The following CD300LD variants were observed in gnomAD, a reference collection of about 807,000 sequenced individuals.
The protein encoded by CD300LD is CD300 molecule like family member d, also known as CMRF35-like molecule 5.
CD300LD carries 18 observed loss-of-function variants against 20.3 expected under a neutral mutation model. The ratio of observed to expected loss-of-function variants is 0.89; its 90% confidence interval spans 0.61 to 1.32. CD300LD has a LOEUF of 1.32. CD300LD is among the 40% of genes most tolerant of loss of function. The pLI is 0.00. For synonymous variants in CD300LD, 104 were observed against 90.1 expected (o/e 1.15, Z -0.87); for missense variants, 195 against 226.6 (o/e 0.86, Z 0.90).
chr17:74,592,208 T>A lies in CD300LD; in HGVS notation c.-6A>T. 6.2e-7 allele frequency: 1 copy of A among 1,614,196 alleles called. No individual in the cohort carries two copies. Among genetic ancestry groups the A allele is most frequent in the Non-Finnish European group, 8.5e-7 (1 of 1,180,024 alleles). On this transcript the variant is annotated 5_prime_UTR_variant, in exon 1 of 4. Transcript: ENST00000375352. Reference sequence around the variant, plus strand: ...AGAGATGGGGACAGCCACATGGTCCTGTCTCCTCTCCTCTCCTTGGTGATC... The same window carrying A: ...AGAGATGGGGACAGCCACATGGTCCAGTCTCCTCTCCTCTCCTTGGTGATC...
At chr17:74,592,061 G>A (rs746228815) in intron 1 of CD300LD, 102 bp downstream of exon 1, 51 of 1,608,778 alleles carry the variant, frequency 3.2e-5, no homozygotes, top group African/African-American at 9.4e-5. Context: ...ATGAATTGGC[G>A]CTGTCATTTT....
chr17:74,585,231 A>G (rs976190472), intron 2 of CD300LD, among the ~76,000 whole-genome samples: 3 of 152,212 alleles, frequency 2.0e-5, no homozygotes, highest in Non-Finnish European at 4.4e-5. Flanking sequence ...TAGGACCAGG[A>G]TTAAAACGGG....
intron 2 of CD300LD, among the ~76,000 whole-genome samples, chr17:74,587,175 G>A (rs550675788): frequency 3.3e-5 from 5 of 152,104 alleles, no homozygotes; most frequent in East Asian, 1.9e-4. Context: ...GATATTATCC[G>A]GTCCTGAACT....
At chr17:74,586,106 A>G (rs1024412099) in intron 2 of CD300LD, among the ~76,000 whole-genome samples, 4 of 152,248 alleles carry the variant, frequency 2.6e-5, no homozygotes, top group African/African-American at 7.2e-5. Context: ...CTGCGGCTAC[A>G]GAAATGCTAA....
At position 74,588,720 on chromosome 17, in the gene CD300LD, T is replaced by C; in HGVS notation, c.170A>G (p.Asp57Gly). The C allele has an allele frequency of 6.2e-7, 1 of 1,614,172 alleles. No homozygotes were observed. Among genetic ancestry groups the C allele is most frequent in the Non-Finnish European group, 8.5e-7 (1 of 1,180,020 alleles). Residue 57 changes from aspartate (D) to glycine (G), a missense_variant, in exon 2 of 4, where the codon GAT becomes GGT. Transcript: ENST00000375352. ...TYLKWRCQGADWNYCNILVKT... is the reference protein window; with the variant it reads ...TYLKWRCQGAGWNYCNILVKT... ...AACAAGGATGTTACAGTAATTCCAA[T>C]CAGCTCCTTGACACCGCCACTTCAA...
chr17:74,591,817 C>CAA (rs140652199), intron 1 of CD300LD, among the ~76,000 whole-genome samples: 3 of 132,130 alleles, frequency 2.3e-5, no homozygotes, highest in Non-Finnish European at 3.2e-5. Flanking sequence ...GACACCAGCT[C>CAA]AAAAAAAAAA....
chr17:74,582,257 G>A lies in CD300LD; in HGVS notation c.434C>T (p.Thr145Ile), dbSNP rs748694311. The change falls in exon 3 of 4, where the codon ACA becomes ATA. Residue 145 changes from threonine to isoleucine, a missense_variant. Physicochemically the swap from Thr to Ile is moderately conservative, Grantham distance 89 (BLOSUM62 -1). Coordinates refer to ENST00000375352, the MANE Select transcript of CD300LD (RefSeq NM_001115152.2). The stretch of plus-strand genomic sequence containing the variant: ...GCTGGTCTTCTGGGTGGCTGCAGCT[G>A]TGAAAGCCAGGCTTGCTGTTGTGGT... ...WTTTTASLAF[T>I]AAATQKTSSP... The A allele has an allele frequency of 1.2e-6, 2 of 1,613,880 alleles. No homozygotes were observed. Among genetic ancestry groups the A allele is most frequent in the South Asian group, 2.2e-5 (2 of 91,074 alleles).
chr17:74,591,491 T>A (rs2030316644), intron 1 of CD300LD, among the ~76,000 whole-genome samples: 1 of 151,990 alleles, frequency 6.6e-6, no homozygotes, highest in Non-Finnish European at 1.5e-5. Context: ...TGATGCTTCC[T>A]CAAAAAGTTA....
intron 2 of CD300LD, among the ~76,000 whole-genome samples, chr17:74,586,547 A>G (rs1439137842): frequency 1.3e-5 from 2 of 152,152 alleles, no homozygotes; most frequent in Admixed American, 6.5e-5. Flanking sequence ...CGGGCCCTAT[A>G]AACAATGGAG....
chr17:74,579,973 C>T lies in CD300LD; in HGVS notation c.*29G>A, dbSNP rs2029997138. 2.8e-6 allele frequency: 4 copies of T among 1,431,592 alleles called. No homozygotes were observed. The highest frequency in any genetic ancestry group is 3.4e-5 in the Admixed American group (2 of 58,150). The allele number at this position is 1,431,592 out of a possible 1,614,324, so 88.7% of individuals were successfully genotyped here. On this transcript the variant is annotated 3_prime_UTR_variant, in exon 4 of 4. Coordinates refer to ENST00000375352, the MANE Select transcript of CD300LD (RefSeq NM_001115152.2). The stretch of plus-strand genomic sequence containing the variant: ...GACAGGACGTCAATGGGCATTGGGA[C>T]TCTCATCATCGGGCTGACTCCTCCT...
Position 74,582,242 on chromosome 17 carries a change from T to C in CD300LD, c.449A>G (p.Gln150Arg). The change falls in exon 3 of 4, where the codon CAG becomes CGG. Residue 150 changes from glutamine to arginine, a missense_variant. Physicochemically the swap from Gln to Arg is conservative, Grantham distance 43. Coordinates refer to ENST00000375352, the MANE Select transcript of CD300LD (RefSeq NM_001115152.2). ...ASLAFTAAATQKTSSPLTRSP... is the reference protein window; with the variant it reads ...ASLAFTAAATRKTSSPLTRSP... ...CCTGGTGAGGGGGCTGCTGGTCTTCTGGGTGGCTGCAGCTGTGAAAGCCAG... is the reference window on the plus strand; with the variant it reads ...CCTGGTGAGGGGGCTGCTGGTCTTCCGGGTGGCTGCAGCTGTGAAAGCCAG... 2 of 1,613,892 alleles carry C rather than the reference T, an allele frequency of 1.2e-6. No homozygotes were observed. Among genetic ancestry groups the C allele is most frequent in the Middle Eastern group, 1.7e-4 (1 of 6,032 alleles).
intron 1 of CD300LD, chr17:74,590,739 A>G (rs1402341620): frequency 6.6e-6 from 1 of 152,156 alleles, no homozygotes; most frequent in African/African-American, 2.4e-5. Flanking sequence ...GAAAGACAAC[A>G]ATTAAGGTAA....
intron 3 of CD300LD, among the ~76,000 whole-genome samples, chr17:74,581,851 C>A (rs991269078): frequency 6.6e-6 from 1 of 152,128 alleles, no homozygotes; most frequent in African/African-American, 2.4e-5. Flanking sequence ...TTATTTTCCT[C>A]AAAGGTAAAC....
chr17:74,582,091 AT>A (rs2030047620), intron 3 of CD300LD, 126 bp downstream of exon 3: 1 of 645,184 alleles, frequency 1.5e-6, no homozygotes, highest in Non-Finnish European at 2.7e-6. Flanking sequence ...ATGCTAAAAA[AT>A]GTTTTGTTGT....
chr17:74,591,973 T>C (rs2030330571), intron 1 of CD300LD, 190 bp downstream of exon 1: 1 of 1,498,008 alleles, frequency 6.7e-7, no homozygotes, highest in South Asian at 1.3e-5. Context: ...TGTGTGTGTT[T>C]GTTTCTGCAG....
intron 1 of CD300LD, among the ~76,000 whole-genome samples, chr17:74,589,155 C>G (rs772324986): frequency 6.6e-6 from 1 of 152,224 alleles, no homozygotes; most frequent in African/African-American, 2.4e-5. Flanking sequence ...AAGGAATGCT[C>G]TTTGGCAACC....
intron 2 of CD300LD, among the ~76,000 whole-genome samples, chr17:74,582,861 G>A (rs996361889): frequency 6.6e-6 from 1 of 152,146 alleles, no homozygotes; most frequent in African/African-American, 2.4e-5. Context: ...TCTGCTGTGT[G>A]CCAATTCCTG....
chr17:74,582,335 G>A, intron 2 of CD300LD, 24 bp from the exon 3 acceptor site: 2 of 1,599,766 alleles, frequency 1.3e-6, no homozygotes, highest in Non-Finnish European at 1.7e-6. Flanking sequence ...GCAGAACACG[G>A]TTCACCCCTT....
chr17:74,580,253 G>A lies in CD300LD; in HGVS notation c.474-140C>T, dbSNP rs73995664. On this transcript the variant is annotated intron_variant, in intron 3 of 3. Transcript: ENST00000375352. Reference sequence around the variant, plus strand: ...CCCCAGACAGGCCAGCCCCTTTGGTGGGGCACAGTCACACTGCTCACCAGC... The same window carrying A: ...CCCCAGACAGGCCAGCCCCTTTGGTAGGGCACAGTCACACTGCTCACCAGC... 3.9e-3 allele frequency: 2,398 copies of A among 611,844 alleles called. 53 individuals carry two copies. The highest frequency in any genetic ancestry group is 0.039 in the African/African-American group (2,094 of 54,292). The allele number at this position is 611,844 out of a possible 1,614,324, so 37.9% of individuals were successfully genotyped here.
Sources: allele counts gnomAD v4.1 joint callset (sites outside exome capture counted in the v4.1 genomes callset), GRCh38; gene constraint gnomAD v4.1.1; transcripts MANE v1.5; gene names NCBI Gene and HGNC (gene_info 2026-07-23, HGNC 2026-07-21).